Variants in ANAPC7 observed in about 807,000 individuals in gnomAD.
ANAPC7 encodes anaphase promoting complex subunit 7.
ANAPC7 carries 25 observed loss-of-function variants against 63.3 expected under a neutral mutation model. The ratio of observed to expected loss-of-function variants is 0.39; its 90% confidence interval spans 0.29 to 0.55. The LOEUF (loss-of-function observed/expected upper bound fraction) is 0.55. ANAPC7 is among the 20% of genes least tolerant of loss of function. The pLI is 0.57. For synonymous variants in ANAPC7, 241 were observed against 251.7 expected (o/e 0.96, Z 0.40); for missense variants, 516 against 691.7 (o/e 0.75, Z 2.85).
intron 1 of ANAPC7, 54 bp from the exon 2 acceptor site, chr12:110,396,506 C>A: frequency 7.2e-7 from 1 of 1,388,958 alleles, no homozygotes; most frequent in South Asian, 1.3e-5. Flanking sequence ...AATCCAAGCT[C>A]CCCCAGCTTC....
Position 110,388,573 on chromosome 12 carries a change from A to G in ANAPC7, c.459T>C (p.Pro153=). ...NLYKKAGQER[P]SVTSYKEVLR... ...GCACCTCCTTATAGCTGGTGACTGAAGGGCGCTCCTGACCAGCCTTCTTGT... is the reference window on the plus strand; with the variant it reads ...GCACCTCCTTATAGCTGGTGACTGAGGGGCGCTCCTGACCAGCCTTCTTGT... Residue 153 remains proline (P), a synonymous_variant, in exon 4 of 11, where the codon CCT becomes CCC. Transcript: ENST00000455511. 1.2e-6 allele frequency: 2 copies of G among 1,614,204 alleles called. No individual in the cohort carries two copies. Among genetic ancestry groups the G allele is most frequent in the Non-Finnish European group, 1.7e-6 (2 of 1,180,052 alleles).
intron 1 of ANAPC7, among the ~76,000 whole-genome samples, chr12:110,397,634 A>G (rs989829356): frequency 5.3e-5 from 8 of 152,058 alleles, no homozygotes; most frequent in African/African-American, 1.7e-4. Context: ...GTGGTGGCTC[A>G]TGCCTGTAAT....
At chr12:110,397,557 CAAA>C (rs536665095) in intron 1 of ANAPC7, among the ~76,000 whole-genome samples, 1 of 98,408 alleles carries the variant, frequency 1.0e-5, no homozygotes. Flanking sequence ...GATCTCGTCT[CAAA>C]AAAAAAAAAA....
intron 4 of ANAPC7, 58 bp from the exon 5 acceptor site, chr12:110,387,950 C>T (rs1222931189): frequency 6.3e-7 from 1 of 1,581,102 alleles, no homozygotes; most frequent in African/African-American, 1.3e-5. Flanking sequence ...CTTCCACATG[C>T]AAGGAGCAAC....
At chr12:110,393,791 C>T (rs193006432) in intron 3 of ANAPC7, among the ~76,000 whole-genome samples, 316 of 147,512 alleles carry the variant, frequency 2.1e-3, no homozygotes, top group African/African-American at 7.2e-3. Flanking sequence ...TGCTTGAACC[C>T]GGGAGGCAGA....
At chr12:110,382,460 AAATATATAT>A (rs1358079139) in intron 7 of ANAPC7, among the ~76,000 whole-genome samples, 14 of 70,346 alleles carry the variant, frequency 2.0e-4, no homozygotes, top group African/African-American at 4.2e-4. Flanking sequence ...AAAAAAAAAA[AAATATATAT>A]ATATATATAT....
intron 1 of ANAPC7, 98 bp downstream of exon 1, chr12:110,403,429 G>A: frequency 7.3e-7 from 1 of 1,362,338 alleles, no homozygotes; most frequent in Middle Eastern, 2.6e-4. Flanking sequence ...GGCGCCGGCG[G>A]CCGCTCCTTC....
chr12:110,395,487 C>T (rs1172163419), intron 2 of ANAPC7, among the ~76,000 whole-genome samples: 2 of 151,984 alleles, frequency 1.3e-5, no homozygotes, highest in African/African-American at 4.8e-5. Flanking sequence ...AGACAGGGGT[C>T]TCACTATGTT....
In ANAPC7 at chr12:110,387,345, G is replaced by GAC. The variant is rs1406402946; in HGVS notation, c.674+393_674+394insGT. The GAC allele has an allele frequency of 5.2e-3, 573 of 109,236 alleles. 20 individuals carry two copies. The highest frequency in any genetic ancestry group is 6.6e-3 in the African/African-American group (152 of 22,958). The allele number at this position is 109,236 out of a possible 1,614,324, so 6.8% of individuals were successfully genotyped here. A position where few individuals can be genotyped will look rare whatever the true frequency, so the allele number is the denominator to read the frequency against. Reference sequence around the variant, plus strand: ...AGAGAGAGAGAGAGAGGCAGAGAGAGAGAGAGACAGAGAGAGAGAGACAGA... The same window carrying GAC: ...AGAGAGAGAGAGAGAGGCAGAGAGAGACAGAGAGACAGAGAGAGAGAGACAGA... On this transcript the variant is annotated intron_variant, in intron 5 of 10. Transcript: ENST00000455511.
chr12:110,389,434 G>A (rs945950809), intron 3 of ANAPC7, among the ~76,000 whole-genome samples: 2 of 152,132 alleles, frequency 1.3e-5, no homozygotes, highest in African/African-American at 2.4e-5. Context: ...TTGACAATTC[G>A]ACTTGTGGCT....
At chr12:110,387,237 GACAGAGAGAC>G (rs1882545649) in intron 5 of ANAPC7, 49 of 110,770 alleles carry the variant, frequency 4.4e-4, no homozygotes, top group Non-Finnish European at 7.4e-4. Context: ...GAGAGAGAGA[GACAGAGAGAC>G]AGAGAGACAG....
At chr12:110,381,326 G>GTT in intron 8 of ANAPC7, among the ~76,000 whole-genome samples, 1 of 151,286 alleles carries the variant, frequency 6.6e-6, no homozygotes. Flanking sequence ...CCCGGATGAT[G>GTT]TTTTTTTGTT....
intron 9 of ANAPC7, 72 bp from the exon 10 acceptor site, chr12:110,376,288 T>C (rs1881257436): frequency 6.4e-7 from 1 of 1,553,034 alleles, no homozygotes; most frequent in Non-Finnish European, 8.8e-7. Flanking sequence ...GACCATCTCT[T>C]TGCAGACATC....
Position 110,373,639 on chromosome 12 carries a change from T to C in ANAPC7, c.*505A>G, listed in dbSNP as rs1592887332. On this transcript the variant is annotated 3_prime_UTR_variant, in exon 11 of 11. Transcript: ENST00000455511. ...AAATAGCAACTGTCAGCTTAAGGCA[T>C]TACTAACATTGCAGAAGGAAGCAAG... The C allele has an allele frequency of 6.5e-6, 1 of 152,700 alleles. No individual in the cohort carries two copies. Among genetic ancestry groups the C allele is most frequent in the Admixed American group, 6.5e-5 (1 of 15,274 alleles). 9.5% of individuals were successfully genotyped at this position (152,700 alleles called of 1,614,324 possible). A position where few individuals can be genotyped will look rare whatever the true frequency, so the allele number is the denominator to read the frequency against.
intron 3 of ANAPC7, among the ~76,000 whole-genome samples, chr12:110,393,792 G>A (rs1483919985): frequency 4.6e-5 from 7 of 151,164 alleles, no homozygotes; most frequent in Non-Finnish European, 8.8e-5. Flanking sequence ...GCTTGAACCC[G>A]GGAGGCAGAG....
At position 110,397,809 on chromosome 12, in the gene ANAPC7, C is replaced by T. The variant is rs938088765; in HGVS notation, c.102-1357G>A. Among the ~76,000 whole-genome samples the T allele has an allele frequency of 6.0e-5, 9 of 151,224 alleles. No homozygotes were observed. In the East Asian group the frequency reaches 7.9e-4, roughly 13 times the overall value. On this transcript the variant is annotated intron_variant, in intron 1 of 10. Transcript: ENST00000455511. ...ACTCGGGAGGTTGAGACAGGAGAAT[C>T]GCTTGAACCCGGGAGGCAGAGGTTG...
chr12:110,386,183 C>A, intron 6 of ANAPC7, 144 bp downstream of exon 6: 1 of 1,231,548 alleles, frequency 8.1e-7, no homozygotes, highest in Non-Finnish European at 1.1e-6. Context: ...TGTGTCATGA[C>A]CTAAAAAAAG....
intron 7 of ANAPC7, among the ~76,000 whole-genome samples, chr12:110,382,452 AAAAAAAAAAAT>A (rs1355118270): frequency 5.5e-4 from 54 of 97,952 alleles, no homozygotes; most frequent in African/African-American, 2.0e-3. Flanking sequence ...AAAAAAAAAA[AAAAAAAAAAAT>A]ATATATATAT....
chr12:110,384,856 C>G (rs1882312567), intron 6 of ANAPC7, among the ~76,000 whole-genome samples: 1 of 152,164 alleles, frequency 6.6e-6, no homozygotes, highest in Admixed American at 6.6e-5. Context: ...GGTCTCTCTT[C>G]CCAGAGTTCT....
Sources: allele counts gnomAD v4.1 joint callset (sites outside exome capture counted in the v4.1 genomes callset), GRCh38; gene constraint gnomAD v4.1.1; transcripts MANE v1.5; gene names NCBI Gene and HGNC (gene_info 2026-07-23, HGNC 2026-07-21).